Variants in ANKS1B observed in about 807,000 individuals in gnomAD.
ANKS1B encodes ankyrin repeat and sterile alpha motif domain-containing protein 1B.
Under a neutral mutation model 148.3 loss-of-function variants are expected in ANKS1B, and 36 were observed. That is an observed-to-expected ratio of 0.24 (90% CI 0.19 to 0.32). The LOEUF (loss-of-function observed/expected upper bound fraction) is 0.32, where lower values mean the gene tolerates loss of function less well. Ranked by LOEUF, ANKS1B falls within the 10% of genes least tolerant of loss-of-function variation. The pLI is 1.00. For synonymous variants in ANKS1B, 542 were observed against 560.8 expected, an observed-to-expected ratio of 0.97 and a Z score of 0.47; for missense variants, 1,157 against 1,542.6, an observed-to-expected ratio of 0.75 and a Z score of 4.19.
chr12:99,071,351 A>G (rs2046208835), intron 16 of ANKS1B, among the ~76,000 whole-genome samples: 1 of 152,250 alleles, frequency 6.6e-6, no homozygotes, highest in African/African-American at 2.4e-5. Context: ...TCTATTCAAC[A>G]ATTAAGTTAG....
chr12:99,805,180 AC>A (rs745386684), intron 4 of ANKS1B, among the ~76,000 whole-genome samples: 3 of 151,184 alleles, frequency 2.0e-5, no homozygotes, highest in Non-Finnish European at 4.4e-5. Context: ...TCACAATATG[AC>A]AGAAAGCAAA....
chr12:99,446,652 G>A (rs1199747784), intron 10 of ANKS1B, among the ~76,000 whole-genome samples: 1 of 152,000 alleles, frequency 6.6e-6, no homozygotes, highest in African/African-American at 2.4e-5. Context: ...GTATGATTGG[G>A]TTCATAGAAA....
At chr12:99,640,884 G>A (rs747603981) in intron 9 of ANKS1B, among the ~76,000 whole-genome samples, 32 of 152,080 alleles carry the variant, frequency 2.1e-4, no homozygotes, top group Non-Finnish European at 3.4e-4. Context: ...ACAACTTATG[G>A]CATTTATTTT....
chr12:99,512,893 C>T (rs1010678705), intron 9 of ANKS1B, among the ~76,000 whole-genome samples: 1 of 151,750 alleles, frequency 6.6e-6, no homozygotes, highest in Admixed American at 6.6e-5. Flanking sequence ...CACACTGGGG[C>T]CTGTCAGGGA....
intron 17 of ANKS1B, among the ~76,000 whole-genome samples, chr12:99,043,263 T>C (rs1328784249): frequency 6.6e-6 from 1 of 152,230 alleles, no homozygotes; most frequent in East Asian, 1.9e-4. Context: ...TTAATCTAAT[T>C]TGTGGAATAC....
intron 1 of ANKS1B, among the ~76,000 whole-genome samples, chr12:99,887,693 G>A (rs11110084): frequency 0.078 from 11,893 of 152,202 alleles, 551 homozygotes; most frequent in South Asian, 0.13. Flanking sequence ...ACTAGTACGA[G>A]GTTAAATAAT....
intron 11 of ANKS1B, among the ~76,000 whole-genome samples, chr12:99,414,493 T>C (rs2094828153): frequency 1.3e-5 from 2 of 152,084 alleles, no homozygotes; most frequent in Admixed American, 6.5e-5. Flanking sequence ...CATGGAATAC[T>C]ATGCAGCCAT....
chr12:99,138,648 A>G (rs981954605), intron 15 of ANKS1B, among the ~76,000 whole-genome samples: 2 of 152,196 alleles, frequency 1.3e-5, no homozygotes, highest in African/African-American at 4.8e-5. Flanking sequence ...TTCAGGAGAC[A>G]GGTAACACTT....
At chr12:99,200,660 T>G (rs1424811429) in intron 14 of ANKS1B, among the ~76,000 whole-genome samples, 1 of 152,150 alleles carries the variant, frequency 6.6e-6, no homozygotes, top group Non-Finnish European at 1.5e-5. Flanking sequence ...TAAGGGGGTG[T>G]AGCCAAAACC....
At chr12:99,853,728 C>T (rs1211611606) in intron 1 of ANKS1B, among the ~76,000 whole-genome samples, 1 of 152,048 alleles carries the variant, frequency 6.6e-6, no homozygotes, top group Non-Finnish European at 1.5e-5. Context: ...GAAGAAATCT[C>T]TGAATTGTCA....
rs186090977 is a variant in ANKS1B, at chr12:99,918,362, C to A, written c.134+65742G>T. On this transcript the variant is annotated intron_variant, in intron 1 of 26. Transcript: ENST00000683438. ...ACTTCAGACTCTGTGGGATGTGATA[C>A]CTTAACCCCTATGAGTGGAACACTT... Among the ~76,000 whole-genome samples the A allele has an allele frequency of 4.6e-5, 7 of 152,308 alleles. No individual in the cohort carries two copies. The East Asian group carries it at 1.4e-3, about 29-fold the overall frequency.
At chr12:99,645,175 C>G (rs914929574) in intron 9 of ANKS1B, among the ~76,000 whole-genome samples, 3 of 152,172 alleles carry the variant, frequency 2.0e-5, no homozygotes, top group Non-Finnish European at 2.9e-5. Flanking sequence ...AAATACTTAA[C>G]CCATATTTTC....
rs372656158 is a variant in ANKS1B at position 99,246,257 on chromosome 12, A to G, written c.2346+18T>C. ...TGCAAAGCCTTATAGGATGAACAGC[A>G]AGAAGAACAAAGCTTACTTCTTCCC... On this transcript the variant is annotated intron_variant, in intron 13 of 26. Coordinates refer to ENST00000683438, the MANE Select transcript of ANKS1B (RefSeq NM_001352186.2). The G allele has an allele frequency of 1.1e-4, 165 of 1,524,832 alleles. No individual in the cohort carries two copies. The African/African-American group carries it at 2.1e-3, about 19-fold the overall frequency. 94.5% of individuals were successfully genotyped at this position (1,524,832 alleles called of 1,614,324 possible). A position where few individuals can be genotyped will look rare whatever the true frequency, so the allele number is the denominator to read the frequency against.
intron 8 of ANKS1B, among the ~76,000 whole-genome samples, chr12:99,704,201 C>G (rs945221326): frequency 2.0e-5 from 3 of 152,006 alleles, no homozygotes; most frequent in Non-Finnish European, 4.4e-5. Context: ...GAGGATGCAT[C>G]AAACAGTAAG....
intron 14 of ANKS1B, among the ~76,000 whole-genome samples, chr12:99,218,012 C>G (rs537176744): frequency 3.9e-5 from 6 of 152,078 alleles, no homozygotes; most frequent in African/African-American, 7.2e-5. Flanking sequence ...GATTAGGGCT[C>G]ATGAAAAAGA....
At chr12:99,181,181 A>T (rs184371426) in intron 14 of ANKS1B, among the ~76,000 whole-genome samples, 55 of 152,152 alleles carry the variant, frequency 3.6e-4, no homozygotes, top group Admixed American at 3.1e-3. Flanking sequence ...TCTCTTGTCA[A>T]TCCATGTTCT....
rs1345799017 is a variant in ANKS1B at position 99,431,007 on chromosome 12, A to G, written c.1575+12666T>C. ...TTTGTTTCCTAAATTCAAAACAATT[A>G]TAAAACTCTGTTTATTCCTCCCAGT... On this transcript the variant is annotated intron_variant, in intron 11 of 26. Transcript: ENST00000683438. Among the ~76,000 whole-genome samples, 5 of 152,364 alleles carry G rather than the reference A, an allele frequency of 3.3e-5. No individual in the cohort carries two copies. In the East Asian group the frequency reaches 9.6e-4, roughly 29 times the overall value.
chr12:99,407,231 A>G (rs1243882514), intron 11 of ANKS1B, among the ~76,000 whole-genome samples: 1 of 146,304 alleles, frequency 6.8e-6, no homozygotes, highest in South Asian at 2.1e-4. Context: ...AACTTATGTA[A>G]ATCAATCAGA....
intron 10 of ANKS1B, among the ~76,000 whole-genome samples, chr12:99,455,516 G>A (rs995189979): frequency 6.6e-6 from 1 of 152,132 alleles, no homozygotes; most frequent in Non-Finnish European, 1.5e-5. Flanking sequence ...TTGTAGCCTG[G>A]GGCAAGTTCT....
Sources: allele counts gnomAD v4.1 joint callset (sites outside exome capture counted in the v4.1 genomes callset), GRCh38; gene constraint gnomAD v4.1.1; transcripts MANE v1.5; gene names NCBI Gene and HGNC (gene_info 2026-07-23, HGNC 2026-07-21).